NRXN1: variants seen among roughly 807,000 people sequenced by gnomAD.
NRXN1 encodes neurexin 1, also known as neurexin-1.
A neutral mutation model predicts 150.9 loss-of-function variants in NRXN1; 39 were observed. The observed-to-expected ratio is 0.26, with a 90% CI of 0.20 to 0.34. The LOEUF (loss-of-function observed/expected upper bound fraction) is 0.34, where lower values mean the gene tolerates loss of function less well. Among genes scored for constraint, NRXN1 ranks in the 10% least tolerant of loss-of-function variants. The pLI is 1.00. For missense variants in NRXN1, 1,815 were observed against 1,949.9 expected (o/e 0.93, Z 1.30); for synonymous variants, 924 against 757.0 (o/e 1.22, Z -3.62).
chr2:50,589,988 C>G (rs1360805282), intron 8 of NRXN1, among the ~76,000 whole-genome samples: 2 of 152,140 alleles, frequency 1.3e-5, no homozygotes, highest in East Asian at 3.9e-4. Flanking sequence ...TCATAAGTAT[C>G]TGAATGAATG....
chr2:50,953,178 C>T (rs991405496), intron 2 of NRXN1, among the ~76,000 whole-genome samples: 4 of 152,150 alleles, frequency 2.6e-5, no homozygotes, highest in Non-Finnish European at 5.9e-5. Context: ...TTATGAATAG[C>T]ACATCCATTG....
At chr2:50,436,445 C>T (rs2085450863) in intron 17 of NRXN1, among the ~76,000 whole-genome samples, 1 of 145,996 alleles carries the variant, frequency 6.8e-6, no homozygotes, top group South Asian at 2.2e-4. Context: ...AAGAGTGAAA[C>T]TCCGTCTCAA....
chr2:50,995,922 T>A (rs1489269012), intron 2 of NRXN1, among the ~76,000 whole-genome samples: 1 of 152,072 alleles, frequency 6.6e-6, no homozygotes, highest in Non-Finnish European at 1.5e-5. Context: ...AGATAATAAC[T>A]TTTAGCTTTG....
intron 21 of NRXN1, among the ~76,000 whole-genome samples, chr2:50,035,888 T>A (rs1689957040): frequency 6.6e-6 from 1 of 152,078 alleles, no homozygotes; most frequent in Admixed American, 6.6e-5. Context: ...ACCATTACAG[T>A]TCACCGATGA....
In NRXN1 at chr2:50,768,150, T is replaced by C. The variant is rs575400671; in HGVS notation, c.833-144535A>G. On this transcript the variant is annotated intron_variant, in intron 5 of 22. Transcript: ENST00000401669. ...TTCCCATGAGTCTGACTGCAGTTCT[T>C]TCTCCATGGCTGATACCAAGGAAGA... Among the ~76,000 whole-genome samples, 11 of 152,240 alleles carry C rather than the reference T, an allele frequency of 7.2e-5. No individual in the cohort carries two copies. In the South Asian group the frequency reaches 2.3e-3, roughly 32 times the overall value.
intron 5 of NRXN1, among the ~76,000 whole-genome samples, chr2:50,682,394 G>A (rs1178382697): frequency 6.6e-6 from 1 of 152,074 alleles, no homozygotes; most frequent in Non-Finnish European, 1.5e-5. Context: ...TTTTTTAAAA[G>A]AGGTAAGAAT....
At chr2:50,528,205 G>T (rs1460149366) in intron 12 of NRXN1, among the ~76,000 whole-genome samples, 1 of 151,570 alleles carries the variant, frequency 6.6e-6, no homozygotes, top group Non-Finnish European at 1.5e-5. Context: ...CTTTAGATGG[G>T]TTTAATAGTA....
At chr2:50,479,498 A>C (rs957346340) in intron 15 of NRXN1, among the ~76,000 whole-genome samples, 1 of 152,206 alleles carries the variant, frequency 6.6e-6, no homozygotes, top group African/African-American at 2.4e-5. Flanking sequence ...AGCCTTATGT[A>C]ACCATTAGTT....
chr2:50,172,079 A>C (rs147072821), intron 18 of NRXN1, among the ~76,000 whole-genome samples: 189 of 152,296 alleles, frequency 1.2e-3, no homozygotes, highest in African/African-American at 4.4e-3. Flanking sequence ...ATGTTTCTGC[A>C]GGCTCCTAAA....
chr2:50,792,719 C>A (rs532836666), intron 5 of NRXN1, among the ~76,000 whole-genome samples: 1 of 151,560 alleles, frequency 6.6e-6, no homozygotes, highest in African/African-American at 2.4e-5. Flanking sequence ...TAATTAAAAG[C>A]AAATTAGATG....
chr2:51,024,659 C>T (rs1186901014), intron 2 of NRXN1, among the ~76,000 whole-genome samples: 1 of 152,064 alleles, frequency 6.6e-6, no homozygotes, highest in Admixed American at 6.6e-5. Context: ...GCACTCTTGG[C>T]TGGAGGTTGG....
At chr2:50,386,803 C>T (rs2081358515) in intron 17 of NRXN1, among the ~76,000 whole-genome samples, 1 of 152,132 alleles carries the variant, frequency 6.6e-6, no homozygotes, top group African/African-American at 2.4e-5. Context: ...GAATTGGTGG[C>T]CTTGAGCAAG....
chr2:50,924,620 T>C (rs1411624106), intron 3 of NRXN1, among the ~76,000 whole-genome samples: 1 of 151,686 alleles, frequency 6.6e-6, no homozygotes, highest in Non-Finnish European at 1.5e-5. Flanking sequence ...GGGTAATATA[T>C]CATTTTTATC....
intron 17 of NRXN1, among the ~76,000 whole-genome samples, chr2:50,299,817 TAACAA>T (rs2073988606): frequency 6.6e-6 from 1 of 152,170 alleles, no homozygotes; most frequent in Admixed American, 6.5e-5. Context: ...TTCCTTAGGC[TAACAA>T]ACAGTCTATA....
intron 5 of NRXN1, among the ~76,000 whole-genome samples, chr2:50,724,731 T>C (rs961008999): frequency 6.6e-6 from 1 of 152,054 alleles, no homozygotes; most frequent in African/African-American, 2.4e-5. Flanking sequence ...TATTTTAAAA[T>C]TGAGGTAATT....
intron 18 of NRXN1, among the ~76,000 whole-genome samples, chr2:50,231,598 A>G (rs1426002715): frequency 6.6e-6 from 1 of 152,116 alleles, no homozygotes; most frequent in Non-Finnish European, 1.5e-5. Flanking sequence ...TCACTCATCA[A>G]ATTTGCAATG....
intron 5 of NRXN1, among the ~76,000 whole-genome samples, chr2:50,790,026 G>A (rs1453095742): frequency 6.6e-6 from 1 of 152,032 alleles, no homozygotes; most frequent in African/African-American, 2.4e-5. Flanking sequence ...GTGGTGACAT[G>A]CTGGCCTCTC....
chr2:50,562,709 T>G (rs1484386878), intron 8 of NRXN1, among the ~76,000 whole-genome samples: 1 of 152,134 alleles, frequency 6.6e-6, no homozygotes, highest in East Asian at 1.9e-4. Context: ...TTTTCTTACT[T>G]CAACACTCAG....
At chr2:50,825,213 T>A (rs1444883092) in intron 5 of NRXN1, among the ~76,000 whole-genome samples, 1 of 152,160 alleles carries the variant, frequency 6.6e-6, no homozygotes, top group Non-Finnish European at 1.5e-5. Flanking sequence ...TGATTTAAAA[T>A]GAGATATATA....
Sources: gnomAD v4.1 joint callset for allele counts (sites outside exome capture counted in the v4.1 genomes callset) on GRCh38, gnomAD v4.1.1 for gene constraint, MANE v1.5 for transcripts, NCBI Gene and HGNC (gene_info 2026-07-23, HGNC 2026-07-21) for gene names.